Variants in MORC1 observed in about 807,000 individuals in gnomAD.
MORC1 encodes MORC family CW-type zinc finger protein 1.
MORC1 carries 59 observed loss-of-function variants against 134.9 expected under a neutral mutation model. The ratio of observed to expected loss-of-function variants is 0.44; its 90% confidence interval spans 0.35 to 0.54. MORC1 has a LOEUF of 0.54. MORC1 is among the 20% of genes least tolerant of loss of function. The pLI is 0.00. For missense variants in MORC1, 947 were observed against 1,134.5 expected, an observed-to-expected ratio of 0.83 and a Z score of 2.37; for synonymous variants, 395 against 391.7, an observed-to-expected ratio of 1.01 and a Z score of -0.10.
intron 8 of MORC1, among the ~76,000 whole-genome samples, chr3:109,085,174 C>CTG (rs375880275): frequency 6.6e-6 from 1 of 150,808 alleles, no homozygotes; most frequent in African/African-American, 2.4e-5. Flanking sequence ...GTGTATGTGT[C>CTG]TGTGTGTGTG....
chr3:109,111,029 A>T (rs1288413293), intron 2 of MORC1, among the ~76,000 whole-genome samples: 1 of 148,098 alleles, frequency 6.8e-6, no homozygotes, highest in East Asian at 2.0e-4. Context: ...TACACAAAAA[A>T]CTAACAAAAT....
At chr3:109,030,201 AGACT>A in intron 16 of MORC1, among the ~76,000 whole-genome samples, 1 of 152,330 alleles carries the variant, frequency 6.6e-6, no homozygotes, top group East Asian at 1.9e-4. Flanking sequence ...TGCTACTCAC[AGACT>A]ATTCCCTAAT....
intron 17 of MORC1, among the ~76,000 whole-genome samples, chr3:109,009,623 C>A (rs1392296712): frequency 6.6e-6 from 1 of 152,154 alleles, no homozygotes; most frequent in Non-Finnish European, 1.5e-5. Context: ...TACTTCATCA[C>A]CTGAAGCTGA....
At chr3:108,973,595 G>GTT (rs63198360) in intron 24 of MORC1, among the ~76,000 whole-genome samples, 19,032 of 77,524 alleles carry the variant, frequency 0.25, 1,772 homozygotes, top group South Asian at 0.31. Flanking sequence ...CTTTGTTTTG[G>GTT]TTTTTTTTTT....
chr3:109,071,996 T>A (rs529696485), intron 8 of MORC1, among the ~76,000 whole-genome samples: 1 of 152,188 alleles, frequency 6.6e-6, no homozygotes, highest in Non-Finnish European at 1.5e-5. Context: ...AACCCTTTTC[T>A]CTCACATGCC....
intron 26 of MORC1, among the ~76,000 whole-genome samples, chr3:108,964,565 C>A (rs1451421473): frequency 6.6e-6 from 1 of 152,152 alleles, no homozygotes; most frequent in Non-Finnish European, 1.5e-5. Flanking sequence ...CGAGTTTCCC[C>A]TTTTTCTACA....
chr3:109,037,922 T>C (rs1005316347), intron 14 of MORC1, among the ~76,000 whole-genome samples: 2 of 152,222 alleles, frequency 1.3e-5, no homozygotes, highest in Non-Finnish European at 2.9e-5. Context: ...TGTGTCTTTA[T>C]AGCAGCATGA....
intron 8 of MORC1, among the ~76,000 whole-genome samples, chr3:109,074,246 G>A (rs1950376022): frequency 1.3e-5 from 2 of 152,154 alleles, no homozygotes; most frequent in Admixed American, 6.5e-5. Context: ...CGGATTTCAG[G>A]GATGTGGCAA....
chr3:109,064,131 G>A (rs1666265610), intron 9 of MORC1, among the ~76,000 whole-genome samples: 1 of 152,086 alleles, frequency 6.6e-6, no homozygotes, highest in Admixed American at 6.6e-5. Flanking sequence ...AAACCTGTGT[G>A]TGTATGCATG....
chr3:109,082,471 A>G (rs1004650703), intron 8 of MORC1, among the ~76,000 whole-genome samples: 3 of 152,204 alleles, frequency 2.0e-5, no homozygotes, highest in Admixed American at 1.3e-4. Flanking sequence ...TGAAAAAGCA[A>G]TATGTGAGCT....
At chr3:109,110,679 T>C in intron 3 of MORC1, 70 bp downstream of exon 3, 1 of 1,299,438 alleles carries the variant, frequency 7.7e-7, no homozygotes, top group Middle Eastern at 1.9e-4. Context: ...TTTCATGAAA[T>C]AAAATACAAG....
At chr3:109,043,663 T>C (rs2107642020) in intron 14 of MORC1, among the ~76,000 whole-genome samples, 1 of 152,336 alleles carries the variant, frequency 6.6e-6, no homozygotes, top group East Asian at 1.9e-4. Flanking sequence ...TTTTTCCTCT[T>C]TAAAAGTTAC....
chr3:109,098,152 C>T (rs1247046668), intron 6 of MORC1, among the ~76,000 whole-genome samples: 1 of 151,948 alleles, frequency 6.6e-6, no homozygotes, highest in Non-Finnish European at 1.5e-5. Flanking sequence ...CTCAAGTGAT[C>T]CTCCCTCTTC....
intron 12 of MORC1, 141 bp downstream of exon 12, chr3:109,059,665 C>G: frequency 3.4e-6 from 2 of 584,204 alleles, no homozygotes; most frequent in South Asian, 5.5e-5. Flanking sequence ...GGGAACTTGA[C>G]TATATTAGGT....
intron 26 of MORC1, among the ~76,000 whole-genome samples, chr3:108,966,001 T>C (rs1446269679): frequency 6.6e-6 from 1 of 152,204 alleles, no homozygotes; most frequent in Non-Finnish European, 1.5e-5. Flanking sequence ...TCCAGGAGGT[T>C]CTGCTAACCT....
chr3:108,976,444 A>G (rs529049689), intron 24 of MORC1, among the ~76,000 whole-genome samples: 283 of 152,320 alleles, frequency 1.9e-3, no homozygotes, highest in African/African-American at 6.5e-3. Context: ...TAGTAAATTC[A>G]AGAAATTACA....
intron 27 of MORC1, among the ~76,000 whole-genome samples, chr3:108,961,516 C>T (rs914098016): frequency 6.6e-6 from 1 of 152,090 alleles, no homozygotes; most frequent in East Asian, 1.9e-4. Context: ...TCTTCATGTG[C>T]CTGCCCCATC....
Position 109,062,042 on chromosome 3 carries a change from T to G in MORC1, c.912A>C (p.Lys304Asn), listed in dbSNP as rs1950096185. The G allele has an allele frequency of 6.2e-7, 1 of 1,614,042 alleles. No individual in the cohort carries two copies. The highest frequency in any genetic ancestry group is 8.5e-7 in the Non-Finnish European group (1 of 1,179,940). ...EAVKIAESIL[K>N]EAQIKVNQCD... ...ACTGGTTTACTTTGATTTGTGCTTC[T>G]TTCAATATGGATTCAGCTGGAAGTA... The change falls in exon 11 of 28, where the codon AAA becomes AAC. Residue 304 changes from lysine (K) to asparagine (N), a missense_variant. Physicochemically the swap from Lys to Asn is moderately conservative, Grantham distance 94. Coordinates refer to ENST00000232603, the MANE Select transcript of MORC1 (RefSeq NM_014429.4).
At chr3:109,038,151 G>A (rs1949423640) in intron 14 of MORC1, among the ~76,000 whole-genome samples, 1 of 152,174 alleles carries the variant, frequency 6.6e-6, no homozygotes, top group South Asian at 2.1e-4. Context: ...GGTATGAGAT[G>A]GTATCTCACT....
Sources: gnomAD v4.1 joint callset for allele counts (sites outside exome capture counted in the v4.1 genomes callset) on GRCh38, gnomAD v4.1.1 for gene constraint, MANE v1.5 for transcripts, NCBI Gene and HGNC (gene_info 2026-07-23, HGNC 2026-07-21) for gene names.